Variants in UXS1 observed in about 807,000 individuals in gnomAD.
The protein encoded by UXS1 is UDP-glucuronate decarboxylase 1, also known as UDP-glucuronic acid decarboxylase 1.
In UXS1, 33 loss-of-function variants were observed where a neutral mutation model predicts 62.6. That is an observed-to-expected ratio of 0.53 (90% CI 0.40 to 0.70). UXS1 has a LOEUF of 0.70. UXS1 is among the 30% of genes least tolerant of loss of function. UXS1 has a pLI of 0.00. For missense variants in UXS1, 434 were observed against 556.3 expected (o/e 0.78, Z 2.21); for synonymous variants, 213 against 206.8 (o/e 1.03, Z -0.26).
At chr2:106,106,364 C>CAAA (rs34097863) in intron 10 of UXS1, among the ~76,000 whole-genome samples, 7 of 127,624 alleles carry the variant, frequency 5.5e-5, no homozygotes, top group African/African-American at 9.1e-5. Flanking sequence ...AACTCCGTCT[C>CAAA]AAAAAAAAAA....
intron 1 of UXS1, among the ~76,000 whole-genome samples, chr2:106,188,625 G>A (rs1230493809): frequency 6.6e-6 from 1 of 152,206 alleles, no homozygotes; most frequent in East Asian, 1.9e-4. Flanking sequence ...AGGCAGCCAA[G>A]CCTCCCCTTC....
chr2:106,147,347 G>A (rs1183603815), intron 5 of UXS1, among the ~76,000 whole-genome samples: 2 of 152,182 alleles, frequency 1.3e-5, no homozygotes, highest in Non-Finnish European at 2.9e-5. Context: ...CTAGGGTCGT[G>A]CCAGACAGGA....
intron 1 of UXS1, among the ~76,000 whole-genome samples, chr2:106,169,361 T>C (rs1683401549): frequency 6.6e-6 from 1 of 152,224 alleles, no homozygotes; most frequent in South Asian, 2.1e-4. Context: ...GTTATTTGCT[T>C]TTTCAGTTTT....
intron 5 of UXS1, among the ~76,000 whole-genome samples, chr2:106,157,569 T>G (rs1315231501): frequency 6.6e-6 from 1 of 152,182 alleles, no homozygotes; most frequent in African/African-American, 2.4e-5. Context: ...CTTACACACA[T>G]GCATTCATAG....
intron 14 of UXS1, among the ~76,000 whole-genome samples, chr2:106,096,005 T>C (rs2104819981): frequency 6.6e-6 from 1 of 152,322 alleles, no homozygotes; most frequent in Admixed American, 6.5e-5. Flanking sequence ...AGGCATGCAG[T>C]TCCCCTTCCT....
intron 1 of UXS1, chr2:106,166,445 A>G (rs1240345888): frequency 6.0e-6 from 1 of 167,524 alleles, no homozygotes; most frequent in East Asian, 1.7e-4. Flanking sequence ...TTGGCCATAT[A>G]TTGTTTTTTG....
intron 10 of UXS1, among the ~76,000 whole-genome samples, chr2:106,110,299 C>G (rs895298828): frequency 2.0e-5 from 3 of 152,184 alleles, no homozygotes; most frequent in African/African-American, 7.2e-5. Context: ...CAAAAGCTTG[C>G]TCGGTGTGAA....
intron 5 of UXS1, among the ~76,000 whole-genome samples, chr2:106,147,041 T>C (rs2105004049): frequency 6.6e-6 from 1 of 151,698 alleles, no homozygotes; most frequent in South Asian, 2.1e-4. Flanking sequence ...CTATGGTGGC[T>C]GAAGCACAAG....
chr2:106,190,699 C>T (rs1010872325), intron 1 of UXS1, among the ~76,000 whole-genome samples: 2 of 148,678 alleles, frequency 1.3e-5, no homozygotes, highest in Admixed American at 6.7e-5. Context: ...GCCGAAATCA[C>T]GCCACTGCAC....
At chr2:106,153,871 A>G (rs1682224319) in intron 5 of UXS1, among the ~76,000 whole-genome samples, 4 of 152,358 alleles carry the variant, frequency 2.6e-5, no homozygotes, top group Non-Finnish European at 5.9e-5. Context: ...AAGTACATAG[A>G]TAATAAAGAG....
At chr2:106,193,835 T>C (rs1573611073) in intron 1 of UXS1, among the ~76,000 whole-genome samples, 3 of 151,638 alleles carry the variant, frequency 2.0e-5, no homozygotes, top group Middle Eastern at 6.9e-3. Flanking sequence ...CAGCGCGACA[T>C]GGACGACAGC....
chr2:106,192,555 C>CAA (rs11308303), intron 1 of UXS1, among the ~76,000 whole-genome samples: 1 of 130,004 alleles, frequency 7.7e-6, no homozygotes. Context: ...GACTCCGTCT[C>CAA]AAAAAAAAAA....
At chr2:106,121,143 C>T (rs891989671) in intron 9 of UXS1, among the ~76,000 whole-genome samples, 1 of 152,052 alleles carries the variant, frequency 6.6e-6, no homozygotes, top group African/African-American at 2.4e-5. Flanking sequence ...GAGCCCAGGC[C>T]CCTAGAACAG....
chr2:106,193,222 C>T (rs1251507626), intron 1 of UXS1, among the ~76,000 whole-genome samples: 1 of 152,104 alleles, frequency 6.6e-6, no homozygotes, highest in African/African-American at 2.4e-5. Context: ...CTTGGTAACG[C>T]CAACAGGTTA....
chr2:106,161,356 G>A (rs900775067), intron 4 of UXS1, among the ~76,000 whole-genome samples: 11 of 152,120 alleles, frequency 7.2e-5, no homozygotes, highest in African/African-American at 1.7e-4. Context: ...TCAGCCTGCC[G>A]AGGCTTCCCA....
Position 106,111,307 on chromosome 2 carries a change from G to A in UXS1, c.879+1339C>T, listed in dbSNP as rs1032602642. On this transcript the variant is annotated intron_variant, in intron 10 of 14. Transcript: ENST00000283148. ...TGTAGTCACAGAGCCTCCATTTAGG[G>A]GCACCAAGATACCACTTAGTGACAG... 2.6e-5 allele frequency among the ~76,000 whole-genome samples: 4 copies of A among 152,142 alleles called. No individual in the cohort carries two copies. The South Asian group carries it at 6.2e-4, about 24-fold the overall frequency.
intron 6 of UXS1, among the ~76,000 whole-genome samples, chr2:106,142,253 T>C (rs537429346): frequency 6.6e-6 from 1 of 152,320 alleles, no homozygotes; most frequent in Admixed American, 6.5e-5. Flanking sequence ...TTCTTTAACA[T>C]GTATGTATTA....
Position 106,096,713 on chromosome 2 carries a change from C to A in UXS1, c.1146+5G>T. On this transcript the variant is annotated splice_donor_5th_base_variant and intron_variant, in intron 14 of 14. Coordinates refer to ENST00000283148, the MANE Select transcript of UXS1 (RefSeq NM_001253875.2). ...CACAAGGCAGCATTAACTCCCTGCA[C>A]TTACCACGGGCTCCCACCCCAGCAT... The A allele has an allele frequency of 1.3e-6, 2 of 1,560,838 alleles. No homozygotes were observed. Among genetic ancestry groups the A allele is most frequent in the South Asian group, 1.2e-5 (1 of 84,080 alleles).
At chr2:106,105,608 C>T (rs889448222) in intron 10 of UXS1, among the ~76,000 whole-genome samples, 6 of 152,186 alleles carry the variant, frequency 3.9e-5, no homozygotes, top group Admixed American at 1.3e-4. Flanking sequence ...CCAACTGCCC[C>T]CAACTGTGAA....
Sources: gnomAD v4.1 joint callset for allele counts (sites outside exome capture counted in the v4.1 genomes callset) on GRCh38, gnomAD v4.1.1 for gene constraint, MANE v1.5 for transcripts, NCBI Gene and HGNC (gene_info 2026-07-23, HGNC 2026-07-21) for gene names.